FAM168B: variants seen among roughly 807,000 people sequenced by gnomAD.
The protein encoded by FAM168B is myelin-associated neurite-outgrowth inhibitor.
A neutral mutation model predicts 21.8 loss-of-function variants in FAM168B; 19 were observed. That is an observed-to-expected ratio of 0.87 (90% CI 0.61 to 1.28). The LOEUF is 1.28. Among genes scored for constraint, FAM168B ranks in the 50% most tolerant of loss-of-function variants. The pLI is 0.00. For missense variants in FAM168B, 233 were observed against 263.1 expected (o/e 0.89, Z 0.79); for synonymous variants, 126 against 104.8 (o/e 1.20, Z -1.24).
At position 131,082,647 on chromosome 2, in the gene FAM168B, G is replaced by T. The variant is rs1389457830; in HGVS notation, c.-1C>A. ...ATCCAGGACTATAAACAGGATTCAT[G>T]ATTTCAAAAACTAAAAGAAAAAAAA... On this transcript the variant is annotated 5_prime_UTR_variant, in exon 2 of 7. Coordinates refer to ENST00000389915, the MANE Select transcript of FAM168B (RefSeq NM_001009993.4). 2 of 1,596,858 alleles carry T rather than the reference G, an allele frequency of 1.3e-6. No individual in the cohort carries two copies. The highest frequency in any genetic ancestry group is 2.2e-5 in the East Asian group (1 of 44,636).
At chr2:131,073,457 C>T (rs1282208695) in intron 2 of FAM168B, among the ~76,000 whole-genome samples, 1 of 152,172 alleles carries the variant, frequency 6.6e-6, no homozygotes, top group Non-Finnish European at 1.5e-5. Flanking sequence ...CATATGTCCT[C>T]TCCAAAGCTC....
chr2:131,075,267 C>T (rs1318503479), intron 2 of FAM168B, among the ~76,000 whole-genome samples: 1 of 146,034 alleles, frequency 6.8e-6, no homozygotes, highest in Admixed American at 6.7e-5. Flanking sequence ...CCAATGGTTT[C>T]CTTCTTTTAA....
intron 1 of FAM168B, among the ~76,000 whole-genome samples, chr2:131,091,264 GGGA>G (rs1694006708): frequency 1.3e-5 from 2 of 152,148 alleles, no homozygotes; most frequent in Admixed American, 6.5e-5. Flanking sequence ...ACTTGAACCC[GGGA>G]GGAGGAGGTT....
intron 1 of FAM168B, among the ~76,000 whole-genome samples, chr2:131,089,717 CA>C (rs1233775927): frequency 2.6e-3 from 255 of 97,152 alleles, no homozygotes; most frequent in Middle Eastern, 8.6e-3. Context: ...GACTCCATCT[CA>C]AAAAAAAAAA....
intron 3 of FAM168B, among the ~76,000 whole-genome samples, chr2:131,066,003 C>T (rs1692537882): frequency 6.6e-6 from 1 of 152,036 alleles, no homozygotes; most frequent in Non-Finnish European, 1.5e-5. Flanking sequence ...AGAATACATT[C>T]CTAGAAGTGG....
intron 3 of FAM168B, among the ~76,000 whole-genome samples, chr2:131,064,716 G>A (rs971064996): frequency 2.0e-5 from 3 of 152,128 alleles, no homozygotes; most frequent in African/African-American, 7.2e-5. Flanking sequence ...AAAGAACTCA[G>A]GCAGAAGGGA....
At chr2:131,084,704 C>T (rs1693595333) in intron 1 of FAM168B, among the ~76,000 whole-genome samples, 1 of 152,138 alleles carries the variant, frequency 6.6e-6, no homozygotes, top group Non-Finnish European at 1.5e-5. Flanking sequence ...GATTCCCATT[C>T]AGCTCTCTAG....
intron 2 of FAM168B, among the ~76,000 whole-genome samples, chr2:131,079,900 T>C (rs2105558641): frequency 6.6e-6 from 1 of 152,224 alleles, no homozygotes; most frequent in East Asian, 1.9e-4. Context: ...GAGGATCACC[T>C]GAGGTCAGGA....
At chr2:131,086,687 G>A (rs1344659403) in intron 1 of FAM168B, among the ~76,000 whole-genome samples, 1 of 152,212 alleles carries the variant, frequency 6.6e-6, no homozygotes, top group Non-Finnish European at 1.5e-5. Flanking sequence ...GTAGGTGACA[G>A]CCATCGTATT....
At chr2:131,054,937 A>C (rs145978644) in intron 5 of FAM168B, among the ~76,000 whole-genome samples, 1 of 152,312 alleles carries the variant, frequency 6.6e-6, no homozygotes, top group African/African-American at 2.4e-5. Context: ...GAAAGGAAGA[A>C]GGCCAGAGCA....
intron 3 of FAM168B, among the ~76,000 whole-genome samples, chr2:131,060,770 A>G (rs1308298160): frequency 6.6e-6 from 1 of 152,228 alleles, no homozygotes; most frequent in South Asian, 2.1e-4. Context: ...TACATAAGGT[A>G]AATATGGGGA....
At chr2:131,054,985 T>G (rs1450598955) in intron 5 of FAM168B, among the ~76,000 whole-genome samples, 1 of 152,084 alleles carries the variant, frequency 6.6e-6, no homozygotes, top group Non-Finnish European at 1.5e-5. Context: ...TACTCAAGTC[T>G]TACATGGTCA....
At chr2:131,073,810 G>A (rs1441664485) in intron 2 of FAM168B, among the ~76,000 whole-genome samples, 1 of 152,218 alleles carries the variant, frequency 6.6e-6, no homozygotes, top group Non-Finnish European at 1.5e-5. Context: ...TCTTACAGAA[G>A]GAGCTCTAAC....
At chr2:131,058,043 G>T (rs747742113) in intron 3 of FAM168B, among the ~76,000 whole-genome samples, 1 of 152,074 alleles carries the variant, frequency 6.6e-6, no homozygotes, top group Non-Finnish European at 1.5e-5. Context: ...TGTTGGCCAG[G>T]ATAGTCTGGA....
rs964132919 is a variant in FAM168B, at chr2:131,048,626, G to A, written c.*3839C>T. ...TTACTTGGTCAGTTGAGCCCCTGGAGCCCTCAGGACCTACTGATAAAGCAT... is the reference window on the plus strand; with the variant it reads ...TTACTTGGTCAGTTGAGCCCCTGGAACCCTCAGGACCTACTGATAAAGCAT... On this transcript the variant is annotated 3_prime_UTR_variant, in exon 7 of 7. Coordinates refer to ENST00000389915, the MANE Select transcript of FAM168B (RefSeq NM_001009993.4). 9.3e-7 allele frequency: 1 copy of A among 1,078,026 alleles called. No individual in the cohort carries two copies. Among genetic ancestry groups the A allele is most frequent in the Non-Finnish European group, 1.1e-6 (1 of 882,470 alleles). 66.8% of individuals were successfully genotyped at this position (1,078,026 alleles called of 1,614,324 possible).
In FAM168B at chr2:131,052,427, G is replaced by C. The variant is rs1055401465; in HGVS notation, c.*38C>G. 16 of 990,086 alleles carry C rather than the reference G, an allele frequency of 1.6e-5. No homozygotes were observed. In the African/African-American group the frequency reaches 2.6e-4, roughly 16 times the overall value. The allele number at this position is 990,086 out of a possible 1,614,324, so 61.3% of individuals were successfully genotyped here. A position where few individuals can be genotyped will look rare whatever the true frequency, so the allele number is the denominator to read the frequency against. On this transcript the variant is annotated 3_prime_UTR_variant, in exon 7 of 7. Transcript: ENST00000389915. The stretch of plus-strand genomic sequence containing the variant: ...CACCAGCTGTGGAATCCCCAATAAT[G>C]TGACTGCACAGCTCCGTCCTCAAAC...
intron 3 of FAM168B, among the ~76,000 whole-genome samples, chr2:131,066,972 G>A (rs1692594142): frequency 6.6e-6 from 1 of 152,294 alleles, no homozygotes; most frequent in Admixed American, 6.5e-5. Flanking sequence ...ATGGTGGAAG[G>A]CAAAGGAAGA....
At chr2:131,083,091 C>G (rs912118106) in intron 1 of FAM168B, among the ~76,000 whole-genome samples, 17 of 151,978 alleles carry the variant, frequency 1.1e-4, no homozygotes, top group Admixed American at 1.1e-3. Flanking sequence ...CATGGTGGCT[C>G]GTGCCTGTAA....
chr2:131,053,123 AGAGG>A, intron 5 of FAM168B, 108 bp from the exon 6 acceptor site: 1 of 1,402,088 alleles, frequency 7.1e-7, no homozygotes, highest in Non-Finnish European at 9.4e-7. Context: ...GTATACAGGA[AGAGG>A]GATAGTCTTG....
Sources: gnomAD v4.1 joint callset for allele counts (sites outside exome capture counted in the v4.1 genomes callset) on GRCh38, gnomAD v4.1.1 for gene constraint, MANE v1.5 for transcripts, NCBI Gene and HGNC (gene_info 2026-07-23, HGNC 2026-07-21) for gene names.